Variants in MAP3K20 observed in about 807,000 individuals in gnomAD.
MAP3K20 encodes the protein mitogen-activated protein kinase kinase kinase 20.
In MAP3K20, 40 loss-of-function variants were observed where a neutral mutation model predicts 85.7. The ratio of observed to expected loss-of-function variants is 0.47; its 90% CI spans 0.36 to 0.61. The LOEUF (loss-of-function observed/expected upper bound fraction) is 0.61. Ranked by LOEUF, MAP3K20 falls within the 20% of genes least tolerant of loss-of-function variation. The pLI, the probability that MAP3K20 is intolerant of heterozygous loss-of-function variation, is 0.00. For missense variants in MAP3K20, 817 were observed against 961.7 expected (o/e 0.85, Z 1.99); for synonymous variants, 325 against 327.7 (o/e 0.99, Z 0.09).
chr2:173,118,942 A>G (rs989278238), intron 2 of MAP3K20, among the ~76,000 whole-genome samples: 1 of 152,236 alleles, frequency 6.6e-6, no homozygotes, highest in Non-Finnish European at 1.5e-5. Context: ...ATACCATGAT[A>G]TAGTAGATGC....
chr2:173,262,962 TTTC>T (rs1346481268), intron 18 of MAP3K20, among the ~76,000 whole-genome samples: 1 of 152,210 alleles, frequency 6.6e-6, no homozygotes, highest in African/African-American at 2.4e-5. Context: ...CAGTTCTCTT[TTTC>T]TTCTTCTCTC....
At chr2:173,217,396 G>C in intron 11 of MAP3K20, 146 bp downstream of exon 11, 1 of 930,052 alleles carries the variant, frequency 1.1e-6, no homozygotes, top group Non-Finnish European at 1.5e-6. Context: ...GCCCGCGTGT[G>C]GACTCAAGCA....
intron 2 of MAP3K20, among the ~76,000 whole-genome samples, chr2:173,096,433 G>A (rs971945548): frequency 6.6e-6 from 1 of 150,824 alleles, no homozygotes; most frequent in African/African-American, 2.4e-5. Context: ...TTTGCCTCCC[G>A]AGTTCAAGCG....
intron 2 of MAP3K20, among the ~76,000 whole-genome samples, chr2:173,127,724 C>A (rs3769190): frequency 0.074 from 10,111 of 135,760 alleles, 979 homozygotes; most frequent in East Asian, 0.54. Context: ...TAAAATTTAT[C>A]CTATGTTAGG....
chr2:173,210,348 C>CCATCT (rs1553583396), intron 10 of MAP3K20: 3 of 151,586 alleles, frequency 2.0e-5, no homozygotes, highest in African/African-American at 7.3e-5. Flanking sequence ...GTGAAAAACT[C>CCATCT]CATCTCAAAA....
At position 173,093,963 on chromosome 2, in the gene MAP3K20, G is replaced by A. The variant is rs1180029765; in HGVS notation, c.159+2773G>A. ...ATGAGATCACATGGACACAGGAAGGGGAACATCACACTCTGGGGACTGTTG... is the reference window on the plus strand; with the variant it reads ...ATGAGATCACATGGACACAGGAAGGAGAACATCACACTCTGGGGACTGTTG... On this transcript the variant is annotated intron_variant, in intron 2 of 19. Transcript: ENST00000375213. 2.2e-5 allele frequency among the ~76,000 whole-genome samples: 3 copies of A among 137,894 alleles called. No homozygotes were observed. The Admixed American group carries it at 2.4e-4, about 11-fold the overall frequency. 90.5% of individuals were successfully genotyped at this position (137,894 alleles called of 152,430 possible).
chr2:173,253,776 AG>A (rs1215929322), intron 16 of MAP3K20, among the ~76,000 whole-genome samples: 1 of 152,218 alleles, frequency 6.6e-6, no homozygotes, highest in Non-Finnish European at 1.5e-5. Flanking sequence ...TAAAATCAGT[AG>A]TTTACCTGGG....
intron 8 of MAP3K20, among the ~76,000 whole-genome samples, chr2:173,200,470 A>G (rs1282333785): frequency 6.6e-6 from 1 of 152,234 alleles, no homozygotes; most frequent in Non-Finnish European, 1.5e-5. Context: ...TATTTTTAAC[A>G]GGCCTCATTT....
intron 18 of MAP3K20, among the ~76,000 whole-genome samples, chr2:173,262,816 C>A (rs1037223991): frequency 6.6e-6 from 1 of 152,296 alleles, no homozygotes; most frequent in African/African-American, 2.4e-5. Flanking sequence ...TCTTGAGGAA[C>A]TTGGAAACTA....
At chr2:173,207,216 C>T (rs909792975) in intron 9 of MAP3K20, among the ~76,000 whole-genome samples, 8 of 152,054 alleles carry the variant, frequency 5.3e-5, no homozygotes, top group African/African-American at 1.4e-4. Context: ...AAGTTGGTCT[C>T]GTGCAGTGGC....
At chr2:173,214,640 AGT>A (rs557936366) in intron 10 of MAP3K20, 1 of 152,234 alleles carries the variant, frequency 6.6e-6, no homozygotes, top group South Asian at 2.1e-4. Flanking sequence ...TTTATTTCAA[AGT>A]AAGTTTCTAT....
intron 1 of MAP3K20, among the ~76,000 whole-genome samples, chr2:173,087,870 G>A (rs1283929797): frequency 6.6e-6 from 1 of 152,080 alleles, no homozygotes; most frequent in Non-Finnish European, 1.5e-5. Context: ...ATCAAAACAA[G>A]GGAGTAAACC....
rs557527910 is a variant in MAP3K20, at chr2:173,146,812, A to G, written c.160-22993A>G. ...TTCCACAGCAGCTGTTACATTTTAC[A>G]CTCCTCCCAGAAGGGTATGTGGGTT... On this transcript the variant is annotated intron_variant, in intron 2 of 19. Transcript: ENST00000375213. Among the ~76,000 whole-genome samples, 3 of 151,986 alleles carry G rather than the reference A, an allele frequency of 2.0e-5. No individual in the cohort carries two copies. In the East Asian group the frequency reaches 5.8e-4, roughly 29 times the overall value.
intron 15 of MAP3K20, 112 bp from the exon 16 acceptor site, chr2:173,239,292 G>C (rs925988115): frequency 1.2e-6 from 1 of 806,334 alleles, no homozygotes; most frequent in African/African-American, 1.8e-5. Flanking sequence ...ATAACCAAAA[G>C]TTAATAGATT....
intron 2 of MAP3K20, among the ~76,000 whole-genome samples, chr2:173,118,186 C>T (rs1328700739): frequency 6.6e-6 from 1 of 152,138 alleles, no homozygotes; most frequent in Non-Finnish European, 1.5e-5. Context: ...CATTTTCCTC[C>T]AATCACGTTA....
At chr2:173,126,494 C>G (rs1319147242) in intron 2 of MAP3K20, among the ~76,000 whole-genome samples, 1 of 152,152 alleles carries the variant, frequency 6.6e-6, no homozygotes, top group Non-Finnish European at 1.5e-5. Context: ...ATTCTCATGC[C>G]TCAGCCTCCC....
chr2:173,102,449 C>G (rs892402061), intron 2 of MAP3K20, among the ~76,000 whole-genome samples: 1 of 152,108 alleles, frequency 6.6e-6, no homozygotes, highest in African/African-American at 2.4e-5. Context: ...AAAAAGGAAT[C>G]CAAGATGCTT....
In MAP3K20 at chr2:173,134,428, A is replaced by ATTTTTTTTT. The variant is rs1274644433; in HGVS notation, c.160-35366_160-35358dup. 5.7e-3 allele frequency among the ~76,000 whole-genome samples: 18 copies of ATTTTTTTTT among 3,152 alleles called. 4 individuals carry two copies. Among genetic ancestry groups the ATTTTTTTTT allele is most frequent in the African/African-American group, 0.012 (12 of 970 alleles). 2.1% of individuals were successfully genotyped at this position (3,152 alleles called of 152,430 possible). A position where few individuals can be genotyped will look rare whatever the true frequency, so the allele number is the denominator to read the frequency against. The stretch of plus-strand genomic sequence containing the variant: ...TATATATATATATATATATATATAT[A>ATTTTTTTTT]TTTTTTTTTTTTTTTTTTTGCAGAG... On this transcript the variant is annotated intron_variant, in intron 2 of 19. Transcript: ENST00000375213.
chr2:173,096,875 A>T (rs960340225), intron 2 of MAP3K20, among the ~76,000 whole-genome samples: 2 of 152,218 alleles, frequency 1.3e-5, no homozygotes, highest in East Asian at 3.9e-4. Flanking sequence ...AAGCATATAC[A>T]CCAAAGGTAA....
Sources: allele counts gnomAD v4.1 joint callset (sites outside exome capture counted in the v4.1 genomes callset), GRCh38; gene constraint gnomAD v4.1.1; transcripts MANE v1.5; gene names NCBI Gene and HGNC (gene_info 2026-07-23, HGNC 2026-07-21).